DCAF12: variants seen among roughly 807,000 people sequenced by gnomAD.
DCAF12 encodes DDB1- and CUL4-associated factor 12.
DCAF12 carries 28 observed loss-of-function variants against 52.8 expected under a neutral mutation model. The ratio of observed to expected loss-of-function variants is 0.53; its 90% CI spans 0.39 to 0.73. The LOEUF (loss-of-function observed/expected upper bound fraction) is 0.73, where lower values mean the gene tolerates loss of function less well. DCAF12 is among the 30% of genes least tolerant of loss of function. The pLI is 0.00. For synonymous variants in DCAF12, 196 were observed against 215.5 expected, an observed-to-expected ratio of 0.91 and a Z score of 0.79; for missense variants, 425 against 552.2, an observed-to-expected ratio of 0.77 and a Z score of 2.31.
In DCAF12 at chr9:34,126,668, A is replaced by G. The variant is rs1829257050; in HGVS notation, c.-237T>C. Reference sequence around the variant, plus strand: ...CGAGAATGAGCGGCTTTCCGACGGCAGAGCCTGCAAGGACGGCGAGCGGCT... The same window carrying G: ...CGAGAATGAGCGGCTTTCCGACGGCGGAGCCTGCAAGGACGGCGAGCGGCT... On this transcript the variant is annotated 5_prime_UTR_variant, in exon 1 of 9. Coordinates refer to ENST00000361264, the MANE Select transcript of DCAF12 (RefSeq NM_015397.4). The G allele has an allele frequency of 1.7e-6, 1 of 573,316 alleles. No individual in the cohort carries two copies. The highest frequency in any genetic ancestry group is 3.1e-6 in the Non-Finnish European group (1 of 327,834). The allele number at this position is 573,316 out of a possible 1,614,324, so 35.5% of individuals were successfully genotyped here. A position where few individuals can be genotyped will look rare whatever the true frequency, so the allele number is the denominator to read the frequency against.
rs560292913 is a variant in DCAF12 at position 34,106,065 on chromosome 9, T to C, written c.601+369A>G. 2.6e-5 allele frequency among the ~76,000 whole-genome samples: 4 copies of C among 151,242 alleles called. No individual in the cohort carries two copies. In the East Asian group the frequency reaches 7.8e-4, roughly 29 times the overall value. On this transcript the variant is annotated intron_variant, in intron 4 of 8. Coordinates refer to ENST00000361264, the MANE Select transcript of DCAF12 (RefSeq NM_015397.4). ...ACCCGGCCTATATTTTAAAATTTTC[T>C]TACAATAAATGTGTATCACTTTTAC... is the stretch of plus-strand genomic sequence containing the variant.
Position 34,121,270 on chromosome 9 carries a change from T to C in DCAF12, c.333+3753A>G, listed in dbSNP as rs376317850. 7.9e-5 allele frequency among the ~76,000 whole-genome samples: 12 copies of C among 152,286 alleles called. No homozygotes were observed. In the East Asian group the frequency reaches 2.1e-3, roughly 27 times the overall value. Reference sequence around the variant, plus strand: ...TGTTTCATCTTTATCAATTACAGCTTTAACCTCCTGCTAGATAAGATTAAG... The same window carrying C: ...TGTTTCATCTTTATCAATTACAGCTCTAACCTCCTGCTAGATAAGATTAAG... On this transcript the variant is annotated intron_variant, in intron 2 of 8. Transcript: ENST00000361264.
intron 2 of DCAF12, among the ~76,000 whole-genome samples, chr9:34,113,303 T>G (rs1829034095): frequency 6.6e-6 from 1 of 152,084 alleles, no homozygotes; most frequent in Non-Finnish European, 1.5e-5. Context: ...CTGCCTGCTT[T>G]GGCCTCCGAA....
At chr9:34,116,001 T>C (rs1829082786) in intron 2 of DCAF12, among the ~76,000 whole-genome samples, 1 of 152,182 alleles carries the variant, frequency 6.6e-6, no homozygotes. Context: ...AACATGGCAA[T>C]GAACATTCTT....
intron 3 of DCAF12, 85 bp downstream of exon 3, chr9:34,107,274 G>A: frequency 5.2e-6 from 7 of 1,340,908 alleles, no homozygotes; most frequent in Non-Finnish European, 7.5e-6. Context: ...CCCACTCTGG[G>A]CTGATGAGAG....
At chr9:34,097,940 A>G (rs1411499052) in intron 5 of DCAF12, among the ~76,000 whole-genome samples, 1 of 88,214 alleles carries the variant, frequency 1.1e-5, no homozygotes, top group Non-Finnish European at 2.6e-5. Flanking sequence ...TCTCAAAAAG[A>G]AAAAAAAAAA....
chr9:34,107,510 T>A lies in DCAF12; in HGVS notation c.389A>T (p.Asp130Val). ...SQITKIPILK[D>V]REPGGVTQQG... ...CTGGGTCACACCTCCAGGCTCCCGG[T>A]CTTTCAGAATGGGGATCTTGGTGAT... The change falls in exon 3 of 9, where the codon GAC (aspartate) becomes GTC (valine). Residue 130 changes from aspartate to valine, a missense_variant. Around this residue, in one of 3 missense-constraint regions of DCAF12, gnomAD observed 328 missense variants for 444.4 expected, o/e 0.74. Coordinates refer to ENST00000361264, the MANE Select transcript of DCAF12 (RefSeq NM_015397.4). 6.2e-7 allele frequency: 1 copy of A among 1,614,118 alleles called. No individual in the cohort carries two copies.
In DCAF12 at chr9:34,106,596, A is replaced by G. The variant is rs1828908397; in HGVS notation, c.541-102T>C. The G allele has an allele frequency of 5.2e-6, 5 of 968,116 alleles. No homozygotes were observed. In the South Asian group the frequency reaches 6.0e-5, roughly 12 times the overall value. 60.0% of individuals were successfully genotyped at this position (968,116 alleles called of 1,614,324 possible). On this transcript the variant is annotated intron_variant, in intron 3 of 8. Coordinates refer to ENST00000361264, the MANE Select transcript of DCAF12 (RefSeq NM_015397.4). The stretch of plus-strand genomic sequence containing the variant: ...AAGAAGCATACAAGTCAGACTGAAA[A>G]TATTTTTGTAGAAATTACAACTCTG...
chr9:34,097,457 A>G (rs1157169348), intron 5 of DCAF12, among the ~76,000 whole-genome samples: 2 of 151,708 alleles, frequency 1.3e-5, no homozygotes, highest in Non-Finnish European at 2.9e-5. Flanking sequence ...GGGTTTTACC[A>G]TGTTGGCCCA....
intron 4 of DCAF12, among the ~76,000 whole-genome samples, chr9:34,103,902 T>C (rs115405158): frequency 5.1e-4 from 77 of 152,180 alleles, no homozygotes; most frequent in African/African-American, 1.8e-3. Context: ...TCCAGTAAAC[T>C]TATTTGCCAG....
intron 5 of DCAF12, among the ~76,000 whole-genome samples, chr9:34,097,095 GA>G (rs1828747280): frequency 6.6e-6 from 1 of 152,020 alleles, no homozygotes; most frequent in Non-Finnish European, 1.5e-5. Flanking sequence ...TCTAGTGTGA[GA>G]ATTTCTATAA....
At chr9:34,120,679 A>T (rs2131443638) in intron 2 of DCAF12, among the ~76,000 whole-genome samples, 1 of 151,548 alleles carries the variant, frequency 6.6e-6, no homozygotes, top group South Asian at 2.1e-4. Flanking sequence ...CAAAAAAAAA[A>T]AAAAAAAAGA....
chr9:34,118,117 GATTT>G (rs150654337), intron 2 of DCAF12, among the ~76,000 whole-genome samples: 1,813 of 152,104 alleles, frequency 0.012, 52 homozygotes, highest in East Asian at 0.09. Context: ...GATGGAAATT[GATTT>G]ATTTCTTTTG....
intron 6 of DCAF12, among the ~76,000 whole-genome samples, chr9:34,094,657 G>A (rs1828704671): frequency 6.6e-6 from 1 of 150,814 alleles, no homozygotes; most frequent in Non-Finnish European, 1.5e-5. Flanking sequence ...CAGCTTCCCG[G>A]GTAGCTGGGA....
intron 3 of DCAF12, among the ~76,000 whole-genome samples, chr9:34,106,731 T>C (rs1304953980): frequency 1.3e-5 from 2 of 152,188 alleles, no homozygotes; most frequent in Non-Finnish European, 2.9e-5. Context: ...CACATAGCTC[T>C]TGCCTTCTAC....
At chr9:34,097,762 G>A (rs547627680) in intron 5 of DCAF12, among the ~76,000 whole-genome samples, 100 of 151,926 alleles carry the variant, frequency 6.6e-4, no homozygotes, top group Non-Finnish European at 1.1e-3. Context: ...GTGAAACCCC[G>A]TCTCTACTAA....
rs749266587 is a variant in DCAF12 at position 34,126,482 on chromosome 9, A to AG, written c.-52dup. ...CAGCCACATGGGGCGGGGGAAGCGA[A>AG]GGATAGCAGGACGGCGGGTCATATA... On this transcript the variant is annotated 5_prime_UTR_variant, in exon 1 of 9. Transcript: ENST00000361264. 1 of 1,577,968 alleles carries AG rather than the reference A, an allele frequency of 6.3e-7. No individual in the cohort carries two copies. The highest frequency in any genetic ancestry group is 2.3e-5 in the East Asian group (1 of 44,092).
At chr9:34,123,598 G>A (rs1829206029) in intron 2 of DCAF12, among the ~76,000 whole-genome samples, 1 of 152,082 alleles carries the variant, frequency 6.6e-6, no homozygotes, top group Non-Finnish European at 1.5e-5. Context: ...AGGTTATGAG[G>A]ATTAGGAAGA....
chr9:34,090,043 AC>A (rs1167541840), intron 7 of DCAF12: 1 of 152,926 alleles, frequency 6.5e-6, no homozygotes, highest in Non-Finnish European at 1.5e-5. Context: ...ACCTAAAACC[AC>A]TACTGTGGCA....
Sources: allele counts gnomAD v4.1 joint callset (sites outside exome capture counted in the v4.1 genomes callset), GRCh38; gene constraint gnomAD v4.1.1; regional missense constraint gnomAD v4.1.1; transcripts MANE v1.5; gene names NCBI Gene and HGNC (gene_info 2026-07-23, HGNC 2026-07-21).